The following NEK10 variants were observed in gnomAD, a reference collection of about 807,000 sequenced individuals.
NEK10 encodes NIMA related kinase 10, also known as serine/threonine-protein kinase Nek10.
A neutral mutation model predicts 159.8 loss-of-function variants in NEK10; 122 were observed. The observed-to-expected ratio is 0.76, with a 90% CI of 0.66 to 0.89. NEK10 has a LOEUF of 0.89. Among genes scored for constraint, NEK10 ranks in the 40% least tolerant of loss-of-function variants. The pLI is 0.00. For synonymous variants in NEK10, 466 were observed against 457.1 expected, an observed-to-expected ratio of 1.02 and a Z score of -0.25; for missense variants, 1,342 against 1,323.1, an observed-to-expected ratio of 1.01 and a Z score of -0.22.
Position 27,220,649 on chromosome 3 carries a change from T to A in NEK10, c.2091-18092A>T, listed in dbSNP as rs545505651. The stretch of plus-strand genomic sequence containing the variant: ...CAGATTCAACACAATTGGCTTTTTT[T>A]TTTCTTGCAGAAATTGACAAGATGA... On this transcript the variant is annotated intron_variant, in intron 23 of 35. Transcript: ENST00000691995. Among the ~76,000 whole-genome samples, 10 of 152,276 alleles carry A rather than the reference T, an allele frequency of 6.6e-5. No individual in the cohort carries two copies. The East Asian group carries it at 1.9e-3, about 29-fold the overall frequency.
At chr3:27,132,456 T>C (rs1309754036) in intron 31 of NEK10, among the ~76,000 whole-genome samples, 1 of 152,192 alleles carries the variant, frequency 6.6e-6, no homozygotes. Context: ...CAGATGCCTG[T>C]CTTGGAGTGC....
At chr3:27,199,562 G>T (rs1485010526) in intron 25 of NEK10, among the ~76,000 whole-genome samples, 1 of 152,118 alleles carries the variant, frequency 6.6e-6, no homozygotes, top group African/African-American at 2.4e-5. Context: ...ATTCCCCAAA[G>T]ACATAAAAAC....
chr3:27,336,634 G>C (rs1006299087), intron 5 of NEK10, among the ~76,000 whole-genome samples: 1 of 152,040 alleles, frequency 6.6e-6, no homozygotes, highest in African/African-American at 2.4e-5. Flanking sequence ...TAGCGTATCA[G>C]AAAGATAATA....
At chr3:27,154,846 G>C (rs550191505) in intron 30 of NEK10, among the ~76,000 whole-genome samples, 147 of 152,218 alleles carry the variant, frequency 9.7e-4, no homozygotes, top group Non-Finnish European at 1.8e-3. Context: ...ACATAATACT[G>C]AGTGGGGAAA....
chr3:27,231,694 T>C (rs1015907676), intron 23 of NEK10, among the ~76,000 whole-genome samples: 1 of 151,590 alleles, frequency 6.6e-6, no homozygotes, highest in Non-Finnish European at 1.5e-5. Flanking sequence ...ATAAAAAAGA[T>C]CATTCAGGGC....
chr3:27,147,580 G>C (rs1477577540), intron 30 of NEK10, among the ~76,000 whole-genome samples: 1 of 152,178 alleles, frequency 6.6e-6, no homozygotes, highest in Non-Finnish European at 1.5e-5. Context: ...AGGCTGCTTT[G>C]AAGTCCTTAA....
At chr3:27,204,306 T>C (rs1575231659) in intron 23 of NEK10, among the ~76,000 whole-genome samples, 1 of 106,042 alleles carries the variant, frequency 9.4e-6, no homozygotes, top group East Asian at 2.2e-4. Context: ...TTGTTGTTTT[T>C]TTTTTTTTTT....
At chr3:27,119,575 A>G (rs989481468) in intron 33 of NEK10, among the ~76,000 whole-genome samples, 185 bp downstream of exon 33, 17 of 152,336 alleles carry the variant, frequency 1.1e-4, no homozygotes, top group African/African-American at 2.4e-4. Flanking sequence ...AGCTGCCACA[A>G]CTGGGTAAGA....
intron 30 of NEK10, among the ~76,000 whole-genome samples, chr3:27,144,286 G>A (rs755365038): frequency 1.3e-5 from 2 of 152,178 alleles, no homozygotes; most frequent in Non-Finnish European, 2.9e-5. Flanking sequence ...ACTACTATGT[G>A]TCCTGGATGC....
intron 23 of NEK10, among the ~76,000 whole-genome samples, chr3:27,237,103 A>G (rs1954009955): frequency 6.6e-6 from 1 of 152,068 alleles, no homozygotes; most frequent in Non-Finnish European, 1.5e-5. Context: ...TCCTACTTGC[A>G]TGTCTGTTTA....
At chr3:27,304,602 C>T (rs1164422969) in intron 12 of NEK10, 145 bp downstream of exon 12, 22 of 634,316 alleles carry the variant, frequency 3.5e-5, no homozygotes, top group Non-Finnish European at 6.0e-5. Context: ...TGTGACAAGT[C>T]TAGATGACTT....
At chr3:27,175,425 T>C (rs960479697) in intron 26 of NEK10, among the ~76,000 whole-genome samples, 1 of 152,222 alleles carries the variant, frequency 6.6e-6, no homozygotes, top group South Asian at 2.1e-4. Context: ...ATGGATGCAT[T>C]TCCATTATGA....
chr3:27,366,776 C>G (rs1336914307), intron 1 of NEK10, among the ~76,000 whole-genome samples: 1 of 150,320 alleles, frequency 6.7e-6, no homozygotes, highest in East Asian at 1.9e-4. Context: ...CTCACCATGA[C>G]AATTTCACAG....
chr3:27,126,040 T>C (rs1342347576), intron 32 of NEK10, among the ~76,000 whole-genome samples: 1 of 152,146 alleles, frequency 6.6e-6, no homozygotes, highest in Non-Finnish European at 1.5e-5. Flanking sequence ...TGATTCACAA[T>C]GCCTCCATGG....
chr3:27,131,801 G>A (rs1215045606), intron 32 of NEK10, 79 bp downstream of exon 32: 12 of 650,920 alleles, frequency 1.8e-5, no homozygotes, highest in African/African-American at 5.5e-5. Flanking sequence ...CTTAAAGTAC[G>A]AAGTAAAGGA....
chr3:27,274,920 C>T (rs536128375), intron 22 of NEK10, among the ~76,000 whole-genome samples: 13 of 152,262 alleles, frequency 8.5e-5, no homozygotes, highest in Non-Finnish European at 1.5e-4. Flanking sequence ...CTCATCCAGA[C>T]GACATCACAC....
At chr3:27,136,065 G>A (rs575208900) in intron 31 of NEK10, among the ~76,000 whole-genome samples, 10 of 149,914 alleles carry the variant, frequency 6.7e-5, no homozygotes, top group African/African-American at 9.8e-5. Context: ...ATTCAAAGGC[G>A]CTTCAAATAA....
At chr3:27,167,213 C>T (rs1946566227) in intron 29 of NEK10, among the ~76,000 whole-genome samples, 1 of 151,838 alleles carries the variant, frequency 6.6e-6, no homozygotes, top group Non-Finnish European at 1.5e-5. Context: ...CAAAGGCTGT[C>T]AGTAGGCAAG....
At position 27,109,354 on chromosome 3, in the gene NEK10, G is replaced by T. The variant is rs2125384203; in HGVS notation, c.*1918C>A. On this transcript the variant is annotated 3_prime_UTR_variant, in exon 36 of 36. Coordinates refer to ENST00000691995, the MANE Select transcript of NEK10 (RefSeq NM_001394966.1). The stretch of plus-strand genomic sequence containing the variant: ...AGATCTCGCCATTGCACTCAAGCCT[G>T]GGCAACAGAGTGAGACTCTGTCTTA... 6.7e-6 allele frequency among the ~76,000 whole-genome samples: 1 copy of T among 149,510 alleles called. No individual in the cohort carries two copies. Among genetic ancestry groups the T allele is most frequent in the East Asian group, 2.0e-4 (1 of 5,116 alleles).
Sources: gnomAD v4.1 joint callset for allele counts (sites outside exome capture counted in the v4.1 genomes callset) on GRCh38, gnomAD v4.1.1 for gene constraint, MANE v1.5 for transcripts, NCBI Gene and HGNC (gene_info 2026-07-23, HGNC 2026-07-21) for gene names.